The following TSPAN15 variants were observed in gnomAD, a reference collection of about 807,000 sequenced individuals.
TSPAN15 encodes the protein tetraspanin 15, also known as tetraspanin-15.
TSPAN15 carries 20 observed loss-of-function variants against 34.5 expected under a neutral mutation model. The ratio of observed to expected loss-of-function variants is 0.58; its 90% confidence interval spans 0.41 to 0.84. The LOEUF is 0.84. Among genes scored for constraint, TSPAN15 ranks in the 40% least tolerant of loss-of-function variants. The probability of loss-of-function intolerance (pLI) is 0.00; values close to 1 mark genes in which losing one functional copy is unlikely to be tolerated. For synonymous variants in TSPAN15, 155 were observed against 153.9 expected, an observed-to-expected ratio of 1.01 and a Z score of -0.05; for missense variants, 313 against 386.1, an observed-to-expected ratio of 0.81 and a Z score of 1.59.
At chr10:69,542,617 A>G in the TSPAN15 span, among the ~76,000 whole-genome samples, 1,862 of 152,028 alleles carry the variant, frequency 0.012, 32 homozygotes, top group African/African-American at 0.034. Flanking sequence ...CAAATACATC[A>G]TTTTTCACCT....
intron 1 of TSPAN15, among the ~76,000 whole-genome samples, chr10:69,459,290 A>C (rs902508442): frequency 6.6e-5 from 10 of 152,180 alleles, no homozygotes; most frequent in African/African-American, 2.4e-4. Context: ...ACTGAATGCC[A>C]GGCACTGTGA....
intron 6 of TSPAN15, chr10:69,505,910 A>G: frequency 4.7e-6 from 2 of 428,626 alleles, no homozygotes; most frequent in Non-Finnish European, 8.3e-6. Flanking sequence ...GGGGCAACCA[A>G]AAGTGCCACC....
At chr10:69,521,598 T>A in the TSPAN15 span, among the ~76,000 whole-genome samples, 5 of 147,308 alleles carry the variant, frequency 3.4e-5, 1 homozygote, top group Non-Finnish European at 7.5e-5. Flanking sequence ...TAAATAAATA[T>A]ATAAAATAAA....
At chr10:69,468,378 C>T (rs911107331) in intron 1 of TSPAN15, among the ~76,000 whole-genome samples, 2 of 152,100 alleles carry the variant, frequency 1.3e-5, no homozygotes, top group East Asian at 1.9e-4. Flanking sequence ...GCTCTTTGTT[C>T]CTTGGTTCTG....
At chr10:69,495,509 C>G in intron 3 of TSPAN15, 85 bp from the exon 4 acceptor site, 2 of 988,476 alleles carry the variant, frequency 2.0e-6, no homozygotes, top group Non-Finnish European at 3.2e-6. Flanking sequence ...AAGGCATTCT[C>G]TACCCATCCA....
the TSPAN15 span, among the ~76,000 whole-genome samples, chr10:69,538,783 G>A: frequency 1.8e-4 from 27 of 152,314 alleles, no homozygotes; most frequent in East Asian, 4.8e-3. Context: ...GAGCTTGCAT[G>A]CACGTGTAGA....
At chr10:69,487,014 T>C (rs1841868704) in intron 3 of TSPAN15, among the ~76,000 whole-genome samples, 1 of 151,834 alleles carries the variant, frequency 6.6e-6, no homozygotes, top group Non-Finnish European at 1.5e-5. Context: ...GAGATCTTTA[T>C]TCCATTTGCC....
intron 6 of TSPAN15, chr10:69,505,879 C>T: frequency 2.4e-6 from 1 of 409,750 alleles, no homozygotes; most frequent in Admixed American, 3.8e-5. Context: ...TGCAGTCCCT[C>T]AGCCGCCAAC....
rs1045672253 is a variant in TSPAN15, at chr10:69,499,063, G to A, written c.570+667G>A. Reference sequence around the variant, plus strand: ...TTCCTCTCCCCAGCACGATCCTCTCGGGTCTGTCACCTTGGTCATTTGGGA... The same window carrying A: ...TTCCTCTCCCCAGCACGATCCTCTCAGGTCTGTCACCTTGGTCATTTGGGA... On this transcript the variant is annotated intron_variant, in intron 5 of 7. Coordinates refer to ENST00000373290, the MANE Select transcript of TSPAN15 (RefSeq NM_012339.5). Among the ~76,000 whole-genome samples, 11 of 152,192 alleles carry A rather than the reference G, an allele frequency of 7.2e-5. 1 individual carries two copies. Among genetic ancestry groups the A allele is most frequent in the South Asian group, 4.1e-4 (2 of 4,836 alleles).
At chr10:69,492,950 C>T (rs893628437) in intron 3 of TSPAN15, among the ~76,000 whole-genome samples, 4 of 152,308 alleles carry the variant, frequency 2.6e-5, no homozygotes, top group East Asian at 3.9e-4. Context: ...AACCTCCCCA[C>T]GTGTGGCCTT....
intron 1 of TSPAN15, among the ~76,000 whole-genome samples, chr10:69,471,373 C>T (rs1378648536): frequency 6.6e-6 from 1 of 152,116 alleles, no homozygotes; most frequent in African/African-American, 2.4e-5. Flanking sequence ...CTCGATGTGG[C>T]AGTGGAGCCA....
At chr10:69,489,803 A>G (rs768337888) in intron 3 of TSPAN15, among the ~76,000 whole-genome samples, 1 of 152,252 alleles carries the variant, frequency 6.6e-6, no homozygotes, top group African/African-American at 2.4e-5. Context: ...AGCTGGGCAC[A>G]GAGCAGCCCT....
chr10:69,540,947 G>C, the TSPAN15 span, among the ~76,000 whole-genome samples: 1 of 152,168 alleles, frequency 6.6e-6, no homozygotes, highest in South Asian at 2.1e-4. Context: ...CAACATCAGA[G>C]TGGATGGCCC....
intron 3 of TSPAN15, among the ~76,000 whole-genome samples, chr10:69,492,303 A>G (rs1275000283): frequency 1.3e-5 from 2 of 152,164 alleles, no homozygotes; most frequent in Non-Finnish European, 2.9e-5. Flanking sequence ...AGCACTTTAC[A>G]GTTAAACTGC....
At chr10:69,498,829 C>T (rs1842143927) in intron 5 of TSPAN15, among the ~76,000 whole-genome samples, 1 of 152,182 alleles carries the variant, frequency 6.6e-6, no homozygotes, top group Non-Finnish European at 1.5e-5. Context: ...CTGAGCTACA[C>T]TCTGGAGAAC....
the TSPAN15 span, among the ~76,000 whole-genome samples, chr10:69,530,726 T>C: frequency 7.2e-6 from 1 of 139,064 alleles, no homozygotes; most frequent in African/African-American, 2.6e-5. Flanking sequence ...AATGAAAATC[T>C]CTTGAGCCTG....
chr10:69,527,274 CA>C, the TSPAN15 span, among the ~76,000 whole-genome samples: 1 of 147,858 alleles, frequency 6.8e-6, no homozygotes, highest in Non-Finnish European at 1.5e-5. Flanking sequence ...AATACACTAA[CA>C]TTAGTGATAG....
intron 3 of TSPAN15, among the ~76,000 whole-genome samples, chr10:69,491,901 C>T (rs896071669): frequency 4.6e-5 from 7 of 152,144 alleles, no homozygotes; most frequent in African/African-American, 7.2e-5. Flanking sequence ...GAGGAGCTGC[C>T]GCCACATGCC....
At chr10:69,499,806 G>C (rs927721603) in intron 5 of TSPAN15, among the ~76,000 whole-genome samples, 1 of 152,214 alleles carries the variant, frequency 6.6e-6, no homozygotes, top group African/African-American at 2.4e-5. Flanking sequence ...AGGTGTCTGG[G>C]GGAGGGGCAT....
Sources: gnomAD v4.1 joint callset for allele counts (sites outside exome capture counted in the v4.1 genomes callset) on GRCh38, gnomAD v4.1.1 for gene constraint, MANE v1.5 for transcripts, NCBI Gene and HGNC (gene_info 2026-07-23, HGNC 2026-07-21) for gene names.